The following RSU1 variants were observed in gnomAD, a reference collection of about 807,000 sequenced individuals.
RSU1 encodes the protein Ras suppressor protein 1, also known as rsu-1.
In RSU1, 26 loss-of-function variants were observed where a neutral mutation model predicts 31.1. The ratio of observed to expected loss-of-function variants is 0.84; its 90% CI spans 0.61 to 1.16. The LOEUF (loss-of-function observed/expected upper bound fraction) is 1.16. RSU1 is among the 50% of genes most tolerant of loss of function. The pLI is 0.00. For synonymous variants in RSU1, 164 were observed against 136.3 expected (o/e 1.20, Z -1.41); for missense variants, 320 against 339.1 (o/e 0.94, Z 0.44).
At chr10:16,803,058 G>A (rs1838189704) in intron 2 of RSU1, among the ~76,000 whole-genome samples, 7 of 152,092 alleles carry the variant, frequency 4.6e-5, no homozygotes, top group Admixed American at 4.6e-4. Flanking sequence ...GCAGCAAAAT[G>A]TATGCAGATT....
At chr10:16,698,342 C>G (rs1047994976) in intron 7 of RSU1, among the ~76,000 whole-genome samples, 1 of 152,064 alleles carries the variant, frequency 6.6e-6, no homozygotes, top group Non-Finnish European at 1.5e-5. Context: ...CCTCCTTGAA[C>G]TTAAGGAATA....
intron 7 of RSU1, among the ~76,000 whole-genome samples, chr10:16,725,485 A>G (rs192395425): frequency 1.2e-3 from 184 of 152,254 alleles, no homozygotes; most frequent in African/African-American, 4.3e-3. Context: ...TTAATTATCA[A>G]CGAAAGCATC....
intron 8 of RSU1, among the ~76,000 whole-genome samples, chr10:16,598,310 G>T (rs555325393): frequency 6.6e-6 from 1 of 152,124 alleles, no homozygotes; most frequent in South Asian, 2.1e-4. Context: ...AGGCCAAGGC[G>T]GGAGGATTGC....
intron 7 of RSU1, chr10:16,721,270 G>A (rs891082467): frequency 6.6e-6 from 1 of 152,296 alleles, no homozygotes; most frequent in Non-Finnish European, 1.5e-5. Context: ...GAATACAGCA[G>A]AGTCTCCAAT....
intron 8 of RSU1, among the ~76,000 whole-genome samples, chr10:16,660,677 C>A (rs1262694332): frequency 1.5e-4 from 15 of 101,990 alleles, no homozygotes; most frequent in Non-Finnish European, 2.6e-4. Context: ...GGAAGGCTCT[C>A]GTTCTGTCAC....
intron 8 of RSU1, among the ~76,000 whole-genome samples, chr10:16,594,871 G>C (rs961724817): frequency 3.4e-4 from 51 of 148,230 alleles, no homozygotes; most frequent in African/African-American, 1.1e-3. Flanking sequence ...TGCAACCTCT[G>C]CCTCCCAGGT....
chr10:16,669,592 T>G (rs1001740629), intron 8 of RSU1, among the ~76,000 whole-genome samples: 3 of 152,086 alleles, frequency 2.0e-5, no homozygotes, highest in African/African-American at 7.2e-5. Flanking sequence ...CTTTTTTTTG[T>G]TTGTTTTATG....
intron 2 of RSU1, among the ~76,000 whole-genome samples, chr10:16,792,985 G>C (rs1056991006): frequency 6.6e-6 from 1 of 152,162 alleles, no homozygotes; most frequent in African/African-American, 2.4e-5. Flanking sequence ...TTCACCCTTG[G>C]TAGTAGGACA....
intron 4 of RSU1, among the ~76,000 whole-genome samples, chr10:16,756,428 T>C (rs1189051062): frequency 6.6e-6 from 1 of 152,166 alleles, no homozygotes; most frequent in Non-Finnish European, 1.5e-5. Context: ...ATTTTTCTTC[T>C]ACCTCTGCCA....
chr10:16,693,282 CT>C (rs1387896410), intron 8 of RSU1, among the ~76,000 whole-genome samples: 2 of 152,166 alleles, frequency 1.3e-5, no homozygotes, highest in Admixed American at 6.5e-5. Flanking sequence ...CTTGTCTTCT[CT>C]GTTTCTGTCT....
At chr10:16,678,795 C>G (rs983554272) in intron 8 of RSU1, among the ~76,000 whole-genome samples, 1 of 152,138 alleles carries the variant, frequency 6.6e-6, no homozygotes, top group African/African-American at 2.4e-5. Flanking sequence ...GAGATAACCA[C>G]CATTACTACA....
intron 8 of RSU1, among the ~76,000 whole-genome samples, chr10:16,647,402 A>G (rs1262187990): frequency 6.6e-6 from 1 of 152,242 alleles, no homozygotes; most frequent in Non-Finnish European, 1.5e-5. Flanking sequence ...TCCTAGGTAC[A>G]CGCCCAAGAC....
rs569401709 is a variant in RSU1 at position 16,807,832 on chromosome 10, G to A, written c.109+9141C>T. Among the ~76,000 whole-genome samples the A allele has an allele frequency of 2.6e-5, 4 of 151,918 alleles. No homozygotes were observed. The South Asian group carries it at 6.2e-4, about 24-fold the overall frequency. On this transcript the variant is annotated intron_variant, in intron 2 of 8. Transcript: ENST00000345264. ...ATGTCAGGAGACTGAGACCATCCTG[G>A]CTAACACGGTGAAATCCCGTCTCTA...
intron 8 of RSU1, among the ~76,000 whole-genome samples, chr10:16,645,582 C>T (rs1318510894): frequency 4.0e-5 from 6 of 151,694 alleles, no homozygotes; most frequent in Non-Finnish European, 7.4e-5. Context: ...CTGAGGCGGG[C>T]GGATCGCTTG....
At position 16,635,391 on chromosome 10, in the gene RSU1, C is replaced by T. The variant is rs74128704; in HGVS notation, c.732-41895G>A. Among the ~76,000 whole-genome samples the T allele has an allele frequency of 2.1e-3, 313 of 152,330 alleles. 1 individual carries two copies. Among genetic ancestry groups the T allele is most frequent in the African/African-American group, 7.2e-3 (300 of 41,578 alleles). On this transcript the variant is annotated intron_variant, in intron 8 of 8. Coordinates refer to ENST00000345264, the MANE Select transcript of RSU1 (RefSeq NM_012425.4). Reference sequence around the variant, plus strand: ...GATAATACTTTCTCCTCCATCCTCCCTCTCAGCTAGCTGATAACCCTGCTT... The same window carrying T: ...GATAATACTTTCTCCTCCATCCTCCTTCTCAGCTAGCTGATAACCCTGCTT...
rs1053586157 is a variant in RSU1 at position 16,675,816 on chromosome 10, T to C, written c.731+19207A>G. Among the ~76,000 whole-genome samples the C allele has an allele frequency of 1.1e-4, 17 of 152,368 alleles. No individual in the cohort carries two copies. The South Asian group carries it at 3.3e-3, about 30-fold the overall frequency. Reference sequence around the variant, plus strand: ...GGCAGACCTGACATCACCCTGCCTCTGCTTCCATGCTCTAAAACTTTCCTG... The same window carrying C: ...GGCAGACCTGACATCACCCTGCCTCCGCTTCCATGCTCTAAAACTTTCCTG... On this transcript the variant is annotated intron_variant, in intron 8 of 8. Coordinates refer to ENST00000345264, the MANE Select transcript of RSU1 (RefSeq NM_012425.4).
At chr10:16,789,207 T>G (rs1370465753) in intron 2 of RSU1, among the ~76,000 whole-genome samples, 1 of 152,218 alleles carries the variant, frequency 6.6e-6, no homozygotes, top group African/African-American at 2.4e-5. Flanking sequence ...AAAAGTTGTG[T>G]TTTCTTTTCT....
intron 2 of RSU1, 91 bp from the exon 3 acceptor site, chr10:16,782,175 T>C: frequency 1.0e-6 from 1 of 995,198 alleles, no homozygotes; most frequent in Non-Finnish European, 1.5e-6. Flanking sequence ...AACGGCAAAG[T>C]TATTTTCACA....
intron 7 of RSU1, among the ~76,000 whole-genome samples, chr10:16,742,827 G>A (rs937424597): frequency 3.9e-5 from 6 of 152,142 alleles, no homozygotes; most frequent in Non-Finnish European, 7.3e-5. Context: ...CGCTTTATGT[G>A]TTGCAACTTC....
Sources: allele counts gnomAD v4.1 joint callset (sites outside exome capture counted in the v4.1 genomes callset), GRCh38; gene constraint gnomAD v4.1.1; transcripts MANE v1.5; gene names NCBI Gene and HGNC (gene_info 2026-07-23, HGNC 2026-07-21).